Variants in WWOX observed in about 807,000 individuals in gnomAD.
WWOX encodes the protein WW domain-containing oxidoreductase.
A neutral mutation model predicts 46.2 loss-of-function variants in WWOX; 69 were observed. The observed-to-expected ratio is 1.49, with a 90% CI of 1.23 to 1.82. WWOX has a LOEUF of 1.82. Among genes scored for constraint, WWOX ranks in the 40% most tolerant of loss-of-function variants. The probability of loss-of-function intolerance (pLI) is 0.00; values close to 1 mark genes in which losing one functional copy is unlikely to be tolerated. For missense variants in WWOX, 919 were observed against 542.6 expected (o/e 1.69, Z -6.89); for synonymous variants, 359 against 202.6 (o/e 1.77, Z -6.56).
chr16:78,982,358 A>G (rs2046699522), intron 8 of WWOX, among the ~76,000 whole-genome samples: 1 of 152,210 alleles, frequency 6.6e-6, no homozygotes. Context: ...GTCTGTCAAA[A>G]AGAGTCATAG....
At chr16:78,614,101 C>T (rs1272680435) in intron 8 of WWOX, among the ~76,000 whole-genome samples, 3 of 152,144 alleles carry the variant, frequency 2.0e-5, no homozygotes, top group South Asian at 2.1e-4. Context: ...GGAGGTAGCA[C>T]CTTGTAATTA....
chr16:78,572,856 G>C (rs1225241716), intron 8 of WWOX, among the ~76,000 whole-genome samples: 2 of 152,060 alleles, frequency 1.3e-5, no homozygotes, highest in Non-Finnish European at 2.9e-5. Flanking sequence ...GGAAAGTTCT[G>C]TTTCTTAAAA....
rs189652706 is a variant in WWOX, at chr16:78,640,661, G to A, written c.1056+207909G>A. The stretch of plus-strand genomic sequence containing the variant: ...AAGTTGGTGAAAGAAAGAAGGGGCC[G>A]GGCATGGTGGCTCACGCCTGTAATC... On this transcript the variant is annotated intron_variant, in intron 8 of 8. Transcript: ENST00000566780. Among the ~76,000 whole-genome samples the A allele has an allele frequency of 2.0e-4, 31 of 152,200 alleles. 1 individual carries two copies. The highest frequency in any genetic ancestry group is 1.6e-3 in the Admixed American group (25 of 15,288).
intron 6 of WWOX, among the ~76,000 whole-genome samples, chr16:78,403,870 C>T (rs566893570): frequency 3.9e-5 from 6 of 152,308 alleles, no homozygotes; most frequent in Admixed American, 3.3e-4. Flanking sequence ...TTGAAGGCTG[C>T]ATGGACCTTC....
At chr16:78,388,113 C>T (rs758062098) in intron 6 of WWOX, among the ~76,000 whole-genome samples, 12 of 152,198 alleles carry the variant, frequency 7.9e-5, no homozygotes, top group East Asian at 3.9e-4. Flanking sequence ...CTTAATGCAA[C>T]GTCCCACTGT....
chr16:78,470,781 G>A (rs60566941), intron 8 of WWOX, among the ~76,000 whole-genome samples: 1 of 151,952 alleles, frequency 6.6e-6, no homozygotes, highest in Non-Finnish European at 1.5e-5. Context: ...GACCTACCTC[G>A]GCCTCCCAAA....
chr16:78,629,771 GGTCTTTCATATAAGT>G (rs1400841027), intron 8 of WWOX, among the ~76,000 whole-genome samples: 2 of 151,872 alleles, frequency 1.3e-5, no homozygotes, highest in Non-Finnish European at 2.9e-5. Flanking sequence ...GGGGTGCAGG[GGTCTTTCATATAAGT>G]ATTTCTTTGA....
At chr16:78,518,969 C>A (rs903700350) in intron 8 of WWOX, among the ~76,000 whole-genome samples, 1 of 152,172 alleles carries the variant, frequency 6.6e-6, no homozygotes, top group African/African-American at 2.4e-5. Flanking sequence ...AAAAAACTTG[C>A]TTGTTTACTG....
chr16:78,891,233 A>G (rs1272046953), intron 8 of WWOX: 2 of 152,138 alleles, frequency 1.3e-5, no homozygotes, highest in Non-Finnish European at 2.9e-5. Context: ...TTGAATAACA[A>G]TATGTAATTT....
rs537266840 is a variant in WWOX, at chr16:78,734,081, CTAAA to C, written c.1056+301333_1056+301336del. 2.3e-3 allele frequency among the ~76,000 whole-genome samples: 348 copies of C among 151,488 alleles called. 1 individual carries two copies. Among genetic ancestry groups the C allele is most frequent in the African/African-American group, 7.9e-3 (329 of 41,386 alleles). The stretch of plus-strand genomic sequence containing the variant: ...TCTGGAAAAAAAAAAACACAAAAAA[CTAAA>C]TAAGTCGTCCATCCGTCCATCTATT... On this transcript the variant is annotated intron_variant, in intron 8 of 8. Transcript: ENST00000566780.
chr16:79,040,205 C>G (rs148358869), intron 8 of WWOX, among the ~76,000 whole-genome samples: 1 of 151,798 alleles, frequency 6.6e-6, no homozygotes, highest in Non-Finnish European at 1.5e-5. Flanking sequence ...GTATGACCTC[C>G]AAGTTCTTTG....
intron 5 of WWOX, chr16:78,167,426 C>A (rs2035009504): frequency 6.6e-6 from 1 of 152,168 alleles, no homozygotes; most frequent in Non-Finnish European, 1.5e-5. Context: ...TATAGTTTTA[C>A]TCTAACATGT....
At chr16:78,419,958 A>G (rs1382554664) in intron 6 of WWOX, among the ~76,000 whole-genome samples, 5 of 152,176 alleles carry the variant, frequency 3.3e-5, no homozygotes, top group Admixed American at 3.3e-4. Flanking sequence ...CTCATTTAAA[A>G]AATGAGCATA....
At chr16:79,103,043 G>T (rs953342796) in intron 8 of WWOX, among the ~76,000 whole-genome samples, 1 of 150,072 alleles carries the variant, frequency 6.7e-6, no homozygotes, top group African/African-American at 2.5e-5. Flanking sequence ...GTTTCCATTT[G>T]CTTCTTGCTT....
intron 8 of WWOX, among the ~76,000 whole-genome samples, chr16:78,529,106 A>T (rs906160381): frequency 6.6e-6 from 1 of 151,386 alleles, no homozygotes; most frequent in South Asian, 2.1e-4. Context: ...GGTGCACACT[A>T]CCATGCCCAG....
chr16:79,175,307 A>G (rs183539360), intron 8 of WWOX, among the ~76,000 whole-genome samples: 32 of 152,260 alleles, frequency 2.1e-4, no homozygotes, highest in African/African-American at 7.0e-4. Context: ...AAGCCTATAT[A>G]CTCTGGAGCT....
At chr16:78,595,067 G>C (rs530861648) in intron 8 of WWOX, among the ~76,000 whole-genome samples, 13 of 152,336 alleles carry the variant, frequency 8.5e-5, no homozygotes, top group East Asian at 5.8e-4. Flanking sequence ...GGGGACCCCA[G>C]GGTGGAAGCT....
At chr16:78,780,989 G>A (rs1444882536) in intron 8 of WWOX, among the ~76,000 whole-genome samples, 2 of 152,200 alleles carry the variant, frequency 1.3e-5, no homozygotes, top group East Asian at 1.9e-4. Context: ...GCAGACTGGT[G>A]TGGCCGAAGG....
At chr16:78,324,539 A>G (rs1025090492) in intron 5 of WWOX, among the ~76,000 whole-genome samples, 1 of 152,164 alleles carries the variant, frequency 6.6e-6, no homozygotes, top group Non-Finnish European at 1.5e-5. Flanking sequence ...CCTAATGTCC[A>G]TCAATGGACA....
Sources: gnomAD v4.1 joint callset for allele counts (sites outside exome capture counted in the v4.1 genomes callset) on GRCh38, gnomAD v4.1.1 for gene constraint, MANE v1.5 for transcripts, NCBI Gene and HGNC (gene_info 2026-07-23, HGNC 2026-07-21) for gene names.